FAM149B1: variants seen among roughly 807,000 people sequenced by gnomAD.
FAM149B1 encodes the protein family with sequence similarity 149 member B1.
Under a neutral mutation model 75.3 loss-of-function variants are expected in FAM149B1, and 56 were observed. That is an observed-to-expected ratio of 0.74 (90% CI 0.60 to 0.93). The LOEUF is 0.93. FAM149B1 is among the 40% of genes least tolerant of loss of function. FAM149B1 has a pLI of 0.00. For missense variants in FAM149B1, 639 were observed against 708.4 expected, an observed-to-expected ratio of 0.90 and a Z score of 1.11; for synonymous variants, 259 against 256.1, an observed-to-expected ratio of 1.01 and a Z score of -0.11.
chr10:73,199,185 C>G (rs1308882001), intron 5 of FAM149B1, among the ~76,000 whole-genome samples: 1 of 144,592 alleles, frequency 6.9e-6, no homozygotes, highest in Non-Finnish European at 1.5e-5. Context: ...GGTAAGATAA[C>G]TGTTATCCTT....
Position 73,208,716 on chromosome 10 carries a change from G to C in FAM149B1, c.640G>C (p.Asp214His). ...CTCCAGCTTTTGTTCTATGGAAAGA[G>C]ATGAGGAAGACTCTATAATCGTCTC... ...KSSSFCSMER[D>H]EEDSIIVSEG... The change falls in exon 6 of 14, where the codon GAT (aspartate) becomes CAT (histidine). Residue 214 changes from aspartate (D) to histidine (H), a missense_variant. Physicochemically the swap from Asp to His is moderately conservative, Grantham distance 81 (BLOSUM62 -1). Coordinates refer to ENST00000242505, the MANE Select transcript of FAM149B1 (RefSeq NM_173348.2). 1 of 1,548,752 alleles carries C rather than the reference G, an allele frequency of 6.5e-7. No individual in the cohort carries two copies. The highest frequency in any genetic ancestry group is 8.7e-7 in the Non-Finnish European group (1 of 1,145,228).
At position 73,218,962 on chromosome 10, in the gene FAM149B1, A is replaced by G. The variant is rs1048101366; in HGVS notation, c.898+8524A>G. On this transcript the variant is annotated intron_variant, in intron 7 of 13. Transcript: ENST00000242505. ...TACAAGTTGTGCTTTCTACGAGACT[A>G]CAGGAGACCATTTCACTAAGCTTTT... is the stretch of plus-strand genomic sequence containing the variant. Among the ~76,000 whole-genome samples the G allele has an allele frequency of 3.3e-5, 5 of 152,300 alleles. No individual in the cohort carries two copies. In the East Asian group the frequency reaches 9.6e-4, roughly 29 times the overall value.
chr10:73,223,258 A>T (rs1228943797), intron 7 of FAM149B1, among the ~76,000 whole-genome samples: 1 of 152,184 alleles, frequency 6.6e-6, no homozygotes, highest in Non-Finnish European at 1.5e-5. Context: ...CTGACTTCCA[A>T]CAGCACAGAT....
intron 3 of FAM149B1, among the ~76,000 whole-genome samples, chr10:73,190,812 G>T (rs1335655272): frequency 2.0e-5 from 3 of 151,604 alleles, no homozygotes; most frequent in Non-Finnish European, 4.4e-5. Context: ...TCGAACTCTA[G>T]GGCTCAAGTA....
At chr10:73,237,106 C>T (rs1284480368) in intron 12 of FAM149B1, among the ~76,000 whole-genome samples, 2 of 152,206 alleles carry the variant, frequency 1.3e-5, no homozygotes, top group Non-Finnish European at 2.9e-5. Flanking sequence ...AGGGCCCACC[C>T]TAATCTAGTG....
In FAM149B1 at chr10:73,241,018, A is replaced by G. The variant is rs1224807556; in HGVS notation, c.1748A>G (p.Ter583=). Residue 583 remains the stop codon, a stop_retained_variant, in exon 14 of 14, where the codon TAA becomes TGA. Coordinates refer to ENST00000242505, the MANE Select transcript of FAM149B1 (RefSeq NM_173348.2). ...RPVSRTRQGP[*] ...GTCTCTCGAACCAGGCAGGGACCAT[A>G]AGGCAAATGAGAAGAATCTATCAGG... 6.6e-7 allele frequency: 1 copy of G among 1,519,870 alleles called. No individual in the cohort carries two copies. Among genetic ancestry groups the G allele is most frequent in the Non-Finnish European group, 8.9e-7 (1 of 1,121,396 alleles). The allele number at this position is 1,519,870 out of a possible 1,614,324, so 94.1% of individuals were successfully genotyped here.
intron 5 of FAM149B1, among the ~76,000 whole-genome samples, chr10:73,195,579 A>G (rs929306921): frequency 6.6e-6 from 1 of 152,228 alleles, no homozygotes; most frequent in Non-Finnish European, 1.5e-5. Context: ...ACAACTATCA[A>G]TGGTAGGCCC....
intron 9 of FAM149B1, among the ~76,000 whole-genome samples, chr10:73,232,235 C>T (rs2043723435): frequency 1.3e-5 from 2 of 152,258 alleles, no homozygotes; most frequent in East Asian, 1.9e-4. Flanking sequence ...AAAATACACA[C>T]CTGAATCTGT....
In FAM149B1 at chr10:73,241,311, G is replaced by C; in HGVS notation, c.*292G>C. On this transcript the variant is annotated 3_prime_UTR_variant, in exon 14 of 14. Coordinates refer to ENST00000242505, the MANE Select transcript of FAM149B1 (RefSeq NM_173348.2). Reference sequence around the variant, plus strand: ...GAATAATACCCAAATCACTGCTCATGTTATCTCTTAACAATGATCAGTTCA... The same window carrying C: ...GAATAATACCCAAATCACTGCTCATCTTATCTCTTAACAATGATCAGTTCA... 1 of 382,346 alleles carries C rather than the reference G, an allele frequency of 2.6e-6. No individual in the cohort carries two copies. Among genetic ancestry groups the C allele is most frequent in the East Asian group, 6.4e-5 (1 of 15,600 alleles). The allele number at this position is 382,346 out of a possible 1,614,324, so 23.7% of individuals were successfully genotyped here. A position where few individuals can be genotyped will look rare whatever the true frequency, so the allele number is the denominator to read the frequency against.
At chr10:73,200,567 G>A (rs1461054105) in intron 5 of FAM149B1, 5 of 749,378 alleles carry the variant, frequency 6.7e-6, no homozygotes, top group Admixed American at 4.2e-5. Context: ...TGAAGCAGAT[G>A]AAATGTTCAG....
intron 8 of FAM149B1, among the ~76,000 whole-genome samples, chr10:73,229,861 A>G (rs1011399825): frequency 1.3e-5 from 2 of 152,190 alleles, no homozygotes; most frequent in African/African-American, 4.8e-5. Context: ...GAAAACAAGC[A>G]GGGCTCTAGG....
chr10:73,230,396 G>A (rs1589190448), intron 8 of FAM149B1, 26 bp from the exon 9 acceptor site: 2 of 1,250,894 alleles, frequency 1.6e-6, no homozygotes. Context: ...AACCGATCAA[G>A]AGTACTGTCT....
intron 3 of FAM149B1, among the ~76,000 whole-genome samples, chr10:73,188,776 A>AGGAAGGAAGGAAGGAG (rs2042602492): frequency 8.2e-6 from 1 of 121,670 alleles, no homozygotes; most frequent in Non-Finnish European, 1.8e-5. Context: ...GAAGGAAGGA[A>AGGAAGGAAGGAAGGAG]GGAAGGAAGG....
In FAM149B1 at chr10:73,231,668, T is replaced by C. The variant is rs189519506; in HGVS notation, c.1127+1143T>C. Among the ~76,000 whole-genome samples, 362 of 151,146 alleles carry C rather than the reference T, an allele frequency of 2.4e-3. 2 individuals are homozygous for C. The highest frequency in any genetic ancestry group is 4.3e-3 in the Admixed American group (65 of 15,218). Reference sequence around the variant, plus strand: ...AAATTTAAGTGAAATTCTATAGAAATAGAGGAATCAAAGTTATCTCGATTT... The same window carrying C: ...AAATTTAAGTGAAATTCTATAGAAACAGAGGAATCAAAGTTATCTCGATTT... On this transcript the variant is annotated intron_variant, in intron 9 of 13. Coordinates refer to ENST00000242505, the MANE Select transcript of FAM149B1 (RefSeq NM_173348.2).
chr10:73,234,455 C>T (rs1482576507), intron 10 of FAM149B1: 2 of 205,922 alleles, frequency 9.7e-6, no homozygotes, highest in Non-Finnish European at 1.0e-5. Context: ...TTAGGGAAAA[C>T]GATAACCAGA....
Position 73,243,583 on chromosome 10 carries a change from T to C in FAM149B1, c.*2564T>C. The C allele has an allele frequency of 6.3e-7, 1 of 1,594,960 alleles. No individual in the cohort carries two copies. Among genetic ancestry groups the C allele is most frequent in the Non-Finnish European group, 8.5e-7 (1 of 1,171,100 alleles). Reference sequence around the variant, plus strand: ...TCCATAGACAGAAAGTACCTAGTGGTTGCCAGGGGCTGGAAAAGTGGAATA... The same window carrying C: ...TCCATAGACAGAAAGTACCTAGTGGCTGCCAGGGGCTGGAAAAGTGGAATA... On this transcript the variant is annotated 3_prime_UTR_variant, in exon 14 of 14. Transcript: ENST00000242505.
intron 8 of FAM149B1, among the ~76,000 whole-genome samples, chr10:73,229,145 A>G (rs1037941335): frequency 1.3e-5 from 2 of 152,184 alleles, no homozygotes; most frequent in Non-Finnish European, 2.9e-5. Flanking sequence ...AAGCACAAAG[A>G]TGGTATTTCT....
rs147375461 is a variant in FAM149B1 at position 73,185,783 on chromosome 10, G to T, written c.283-6773G>T. On this transcript the variant is annotated intron_variant, in intron 3 of 13. Transcript: ENST00000242505. Reference sequence around the variant, plus strand: ...TCTAAGGAATAGAAGGAAAAGAAAAGAAAAAAATTAGAACTGATATATGAA... The same window carrying T: ...TCTAAGGAATAGAAGGAAAAGAAAATAAAAAAATTAGAACTGATATATGAA... 4.4e-3 allele frequency among the ~76,000 whole-genome samples: 676 copies of T among 152,068 alleles called. 4 individuals carry two copies. The highest frequency in any genetic ancestry group is 0.015 in the African/African-American group (638 of 41,500).
chr10:73,226,198 A>C (rs1422020968), intron 7 of FAM149B1, among the ~76,000 whole-genome samples: 2 of 151,762 alleles, frequency 1.3e-5, no homozygotes, highest in Non-Finnish European at 2.9e-5. Flanking sequence ...AAGCAGTGGC[A>C]TATAATGATT....
Sources: allele counts gnomAD v4.1 joint callset (sites outside exome capture counted in the v4.1 genomes callset), GRCh38; gene constraint gnomAD v4.1.1; transcripts MANE v1.5; gene names NCBI Gene and HGNC (gene_info 2026-07-23, HGNC 2026-07-21).